CRYGS: variants seen among roughly 807,000 people sequenced by gnomAD.
CRYGS encodes crystallin gamma S.
A neutral mutation model predicts 21.3 loss-of-function variants in CRYGS; 13 were observed. The ratio of observed to expected loss-of-function variants is 0.61; its 90% CI spans 0.40 to 0.97. CRYGS has a LOEUF of 0.97. Among genes scored for constraint, CRYGS ranks in the 50% least tolerant of loss-of-function variants. The pLI, the probability that CRYGS is intolerant of heterozygous loss-of-function variation, is 0.00. For missense variants in CRYGS, 205 were observed against 229.7 expected (o/e 0.89, Z 0.69); for synonymous variants, 67 against 75.0 (o/e 0.89, Z 0.55).
chr3:186,543,553 C>A (rs1046054211), intron 1 of CRYGS, among the ~76,000 whole-genome samples: 1 of 152,110 alleles, frequency 6.6e-6, no homozygotes, highest in Non-Finnish European at 1.5e-5. Flanking sequence ...AAAATGTCAA[C>A]AACTGGAGAA....
At chr3:186,541,948 G>C (rs1375641020) in intron 1 of CRYGS, among the ~76,000 whole-genome samples, 1 of 152,212 alleles carries the variant, frequency 6.6e-6, no homozygotes, top group African/African-American at 2.4e-5. Flanking sequence ...ACTTCTCTAA[G>C]AATGGATAGA....
intron 1 of CRYGS, chr3:186,540,881 C>G (rs963374928): frequency 1.2e-5 from 2 of 161,508 alleles, no homozygotes; most frequent in East Asian, 3.8e-4. Flanking sequence ...GAACATGGCC[C>G]ATTATAGGGA....
At chr3:186,539,198 G>C (rs1323761209) in intron 2 of CRYGS, among the ~76,000 whole-genome samples, 157 bp downstream of exon 2, 1 of 152,220 alleles carries the variant, frequency 6.6e-6, no homozygotes, top group Admixed American at 6.5e-5. Context: ...AGTCATTCTA[G>C]TGATGAGCTG....
chr3:186,539,708 A>G, intron 1 of CRYGS, 111 bp from the exon 2 acceptor site: 1 of 1,342,430 alleles, frequency 7.4e-7, no homozygotes, highest in East Asian at 2.3e-5. Flanking sequence ...CTCAATTTTG[A>G]GGAAAAATAT....
chr3:186,542,788 A>T (rs890848481), intron 1 of CRYGS, among the ~76,000 whole-genome samples: 1 of 152,236 alleles, frequency 6.6e-6, no homozygotes, highest in Admixed American at 6.5e-5. Context: ...AGATGTTTTC[A>T]TCTAAGATGG....
intron 1 of CRYGS, 82 bp downstream of exon 1, chr3:186,544,224 C>T (rs1714135880): frequency 1.0e-6 from 1 of 965,336 alleles, no homozygotes; most frequent in South Asian, 1.3e-5. Flanking sequence ...CACCTCTAGG[C>T]AAAGAAGCAA....
At position 186,539,385 on chromosome 3, in the gene CRYGS, G is replaced by A. The variant is rs1714003074; in HGVS notation, c.234C>T (p.Asp78=). Residue 78 remains aspartate (D), a synonymous_variant, in exon 2 of 3, where the codon GAC becomes GAT. Coordinates refer to ENST00000307944, the MANE Select transcript of CRYGS (RefSeq NM_017541.4). ...GAACAGCTCTGCAGGAGCTGAGGCG[G>A]TCGTTGAGGCCCATCCAACGCTGGT... The part of the protein sequence containing the change: ...PEYQRWMGLN[D]RLSSCRAVHL... 1 of 1,612,208 alleles carries A rather than the reference G, an allele frequency of 6.2e-7. No homozygotes were observed. Among genetic ancestry groups the A allele is most frequent in the African/African-American group, 1.3e-5 (1 of 74,978 alleles).
rs1293737356 is a variant in CRYGS at position 186,542,915 on chromosome 3, A to C, written c.21+1391T>G. ...AGAACCTCAGAGCACTGAAGACACT[A>C]ATTTTTCTCCCCAAACCTCCTGAAT... is the stretch of plus-strand genomic sequence containing the variant. On this transcript the variant is annotated intron_variant, in intron 1 of 2. Coordinates refer to ENST00000307944, the MANE Select transcript of CRYGS (RefSeq NM_017541.4). Among the ~76,000 whole-genome samples the C allele has an allele frequency of 2.0e-5, 3 of 152,120 alleles. No homozygotes were observed. The East Asian group carries it at 5.8e-4, about 29-fold the overall frequency.
chr3:186,540,765 C>T (rs920196796), intron 1 of CRYGS: 19 of 963,184 alleles, frequency 2.0e-5, no homozygotes, highest in Admixed American at 1.2e-4. Context: ...GGAGCAGAGC[C>T]GGATACTGTC....
At position 186,541,481 on chromosome 3, in the gene CRYGS, A is replaced by G. The variant is rs548831378; in HGVS notation, c.22-1884T>C. Among the ~76,000 whole-genome samples the G allele has an allele frequency of 1.2e-3, 185 of 152,302 alleles. 1 individual carries two copies. The highest frequency in any genetic ancestry group is 4.2e-3 in the African/African-American group (174 of 41,574). On this transcript the variant is annotated intron_variant, in intron 1 of 2. Transcript: ENST00000307944. The stretch of plus-strand genomic sequence containing the variant: ...AGTTTACGGATGAAGAAAAAAAAGA[A>G]AAGTCTCAATACTACTGCTTTCTTG...
chr3:186,539,708 AG>A, intron 1 of CRYGS, 111 bp from the exon 2 acceptor site: 1 of 1,342,430 alleles, frequency 7.4e-7, no homozygotes, highest in Non-Finnish European at 1.0e-6. Context: ...CTCAATTTTG[AG>A]GAAAAATATG....
At chr3:186,541,421 C>G (rs1714063224) in intron 1 of CRYGS, among the ~76,000 whole-genome samples, 1 of 152,136 alleles carries the variant, frequency 6.6e-6, no homozygotes, top group Non-Finnish European at 1.5e-5. Flanking sequence ...CCCTTCCCAT[C>G]TTAGCACAGT....
Position 186,544,308 on chromosome 3 carries a change from T to A in CRYGS, c.19A>T (p.Lys7Ter). ...TAAAAATCAATATGACTACTTACCT[T>A]GGTTCCAGTTTTAGACATTTTTGGT... is the stretch of plus-strand genomic sequence containing the variant. MSKTGTKITFYEDKNFQ... is the reference protein window; with the variant it reads MSKTGT The change falls in exon 1 of 3, where the codon AAG (lysine) becomes TAG (stop). Residue 7 changes from lysine to a stop codon, truncating the protein, a stop_gained and splice_region_variant. Transcript: ENST00000307944. LOFTEE classifies it high-confidence loss of function. 6.2e-7 allele frequency: 1 copy of A among 1,603,872 alleles called. No individual in the cohort carries two copies. Among genetic ancestry groups the A allele is most frequent in the Non-Finnish European group, 8.5e-7 (1 of 1,170,646 alleles).
chr3:186,539,942 A>C, intron 1 of CRYGS: 1 of 280,926 alleles, frequency 3.6e-6, no homozygotes, highest in Non-Finnish European at 7.0e-6. Flanking sequence ...TACCCCTCCC[A>C]CCAGAATCCT....
At chr3:186,541,246 TATACTA>T (rs1714058971) in intron 1 of CRYGS, among the ~76,000 whole-genome samples, 1 of 152,186 alleles carries the variant, frequency 6.6e-6, no homozygotes, top group African/African-American at 2.4e-5. Context: ...TAGATACTAA[TATACTA>T]ATAATTGTTT....
chr3:186,540,076 G>A (rs1714023030), intron 1 of CRYGS: 2 of 166,564 alleles, frequency 1.2e-5, no homozygotes, highest in Admixed American at 1.1e-4. Flanking sequence ...GATACATAGA[G>A]AAAAATAAAG....
rs770052208 is a variant in CRYGS, at chr3:186,538,901, G to A, written c.332C>T (p.Thr111Ile). ...KGDFSGQMYE[T>I]TEDCPSIMEQ... ...CATGATGGAAGGGCAATCTTCGGTG[G>A]TTTCATACATCTGACCACTAAAATC... The change falls in exon 3 of 3, where the codon ACC (threonine) becomes ATC (isoleucine). Residue 111 changes from threonine to isoleucine, a missense_variant. Coordinates refer to ENST00000307944, the MANE Select transcript of CRYGS (RefSeq NM_017541.4). 7.4e-6 allele frequency: 12 copies of A among 1,614,088 alleles called. No individual in the cohort carries two copies. Among genetic ancestry groups the A allele is most frequent in the Non-Finnish European group, 1.0e-5 (12 of 1,180,000 alleles).
At position 186,544,274 on chromosome 3, in the gene CRYGS, C is replaced by T. The variant is rs16860883; in HGVS notation, c.21+32G>A. ...GTTGAATGCATCATTAGGTGAAAAG[C>T]GGGTAGGCTAAAAATCAATATGACT... On this transcript the variant is annotated intron_variant, in intron 1 of 2. Coordinates refer to ENST00000307944, the MANE Select transcript of CRYGS (RefSeq NM_017541.4). The T allele has an allele frequency of 1.7e-3, 2,606 of 1,540,672 alleles. 43 individuals are homozygous for T. The African/African-American group carries it at 0.031, about 18-fold the overall frequency.
chr3:186,539,036 G>T, intron 2 of CRYGS, 68 bp from the exon 3 acceptor site: 1 of 1,549,634 alleles, frequency 6.5e-7, no homozygotes, highest in Non-Finnish European at 8.9e-7. Flanking sequence ...AGAACTTAGA[G>T]AACAGTATTG....
Sources: gnomAD v4.1 joint callset for allele counts (sites outside exome capture counted in the v4.1 genomes callset) on GRCh38, gnomAD v4.1.1 for gene constraint, MANE v1.5 for transcripts, NCBI Gene and HGNC (gene_info 2026-07-23, HGNC 2026-07-21) for gene names.